The following UGT2B17 variants were observed in gnomAD, a reference collection of about 807,000 sequenced individuals.
UGT2B17 encodes UDP-glucuronosyltransferase 2B17.
In UGT2B17, 21 loss-of-function variants were observed where a neutral mutation model predicts 48.2. The ratio of observed to expected loss-of-function variants is 0.44; its 90% CI spans 0.31 to 0.63. UGT2B17 has a LOEUF of 0.63. UGT2B17 is among the 20% of genes least tolerant of loss of function. The pLI is 0.08. For synonymous variants in UGT2B17, 146 were observed against 238.4 expected (o/e 0.61, Z 3.57); for missense variants, 402 against 696.1 (o/e 0.58, Z 4.75).
Position 68,548,280 on chromosome 4 carries a change from A to G in UGT2B17, c.1313+2397T>C, listed in dbSNP as rs1200702445. Among the ~76,000 whole-genome samples, 2 of 125,706 alleles carry G rather than the reference A, an allele frequency of 1.6e-5. 1 individual carries two copies. Among genetic ancestry groups the G allele is most frequent in the Non-Finnish European group, 3.4e-5 (2 of 59,386 alleles). The allele number at this position is 125,706 out of a possible 152,430, so 82.5% of individuals were successfully genotyped here. The stretch of plus-strand genomic sequence containing the variant: ...ATGAGTTCATGTCCTTTGCAGGGAC[A>G]TGGATGAAGCTGGAAACCATCATTC... On this transcript the variant is annotated intron_variant, in intron 6 of 6. Coordinates refer to ENST00000317746, the MANE Select transcript of UGT2B17 (RefSeq NM_001077.4).
intron 4 of UGT2B17, among the ~76,000 whole-genome samples, chr4:68,553,087 C>A (rs1310548553): frequency 8.0e-6 from 1 of 125,464 alleles, no homozygotes; most frequent in Non-Finnish European, 1.7e-5. Flanking sequence ...GACTTAATTT[C>A]TCCTTACCAT....
rs1730792150 is a variant in UGT2B17, at chr4:68,545,842, T to C, written c.1313+4835A>G. Among the ~76,000 whole-genome samples the C allele has an allele frequency of 1.6e-5, 2 of 125,770 alleles. 1 individual carries two copies. Among genetic ancestry groups the C allele is most frequent in the South Asian group, 7.5e-4 (2 of 2,678 alleles). 82.5% of individuals were successfully genotyped at this position (125,770 alleles called of 152,430 possible). On this transcript the variant is annotated intron_variant, in intron 6 of 6. Coordinates refer to ENST00000317746, the MANE Select transcript of UGT2B17 (RefSeq NM_001077.4). ...AATCAAGAAGAAATGGATAAATTCC[T>C]CGACACACACACCCTCCCAAGACTA...
intron 6 of UGT2B17, among the ~76,000 whole-genome samples, chr4:68,545,343 G>T (rs1730777705): frequency 1.6e-5 from 2 of 126,114 alleles, no homozygotes; most frequent in Non-Finnish European, 3.4e-5. Context: ...ATAATGAAAT[G>T]AAGGCAGAAT....
rs1373072384 is a variant in UGT2B17, at chr4:68,566,338, A to T, written c.725-618T>A. On this transcript the variant is annotated intron_variant, in intron 2 of 6. Transcript: ENST00000317746. The stretch of plus-strand genomic sequence containing the variant: ...TTAATGTAACATCAGTATATTCACA[A>T]TCATAAATAATTATTAAAATAAGTC... 1.6e-5 allele frequency among the ~76,000 whole-genome samples: 2 copies of T among 121,458 alleles called. 1 individual carries two copies. The highest frequency in any genetic ancestry group is 3.4e-5 in the Non-Finnish European group (2 of 58,472). 79.7% of individuals were successfully genotyped at this position (121,458 alleles called of 152,430 possible).
intron 6 of UGT2B17, among the ~76,000 whole-genome samples, chr4:68,547,255 C>G (rs2109763048): frequency 8.0e-6 from 1 of 124,292 alleles, no homozygotes; most frequent in Admixed American, 8.3e-5. Context: ...GAACAGAGCC[C>G]TCAGAAATAA....
intron 1 of UGT2B17, among the ~76,000 whole-genome samples, chr4:68,575,186 G>A (rs1221188387): frequency 9.6e-6 from 1 of 104,704 alleles, no homozygotes; most frequent in African/African-American, 3.5e-5. Flanking sequence ...GGTATAGATG[G>A]CCTTTTTTTT....
At chr4:68,573,037 T>A (rs1341086120) in intron 1 of UGT2B17, among the ~76,000 whole-genome samples, 1 of 127,706 alleles carries the variant, frequency 7.8e-6, no homozygotes, top group Non-Finnish European at 1.7e-5. Context: ...ATGCAAGCTT[T>A]GGTATCTAGT....
At chr4:68,557,327 A>C (rs1731020898) in intron 4 of UGT2B17, among the ~76,000 whole-genome samples, 1 of 124,542 alleles carries the variant, frequency 8.0e-6, no homozygotes, top group Admixed American at 8.3e-5. Flanking sequence ...AAATTCTAAC[A>C]GGTGCTCTTG....
chr4:68,564,296 T>TATATATATATA (rs1226939611), intron 3 of UGT2B17, among the ~76,000 whole-genome samples: 2 of 93,840 alleles, frequency 2.1e-5, no homozygotes, highest in African/African-American at 1.2e-4. Flanking sequence ...ATATATATAT[T>TATATATATATA]TTTTTTTTTT....
Position 68,549,538 on chromosome 4 carries a change from G to A in UGT2B17, c.1313+1139C>T, listed in dbSNP as rs1308939976. On this transcript the variant is annotated intron_variant, in intron 6 of 6. Coordinates refer to ENST00000317746, the MANE Select transcript of UGT2B17 (RefSeq NM_001077.4). ...AGGAAGATGCATGAATGATCAGTAA[G>A]CACATGAAAAGAGGGTTAACATCTT... 1.6e-5 allele frequency among the ~76,000 whole-genome samples: 2 copies of A among 124,898 alleles called. 1 individual carries two copies. The highest frequency in any genetic ancestry group is 5.5e-5 in the African/African-American group (2 of 36,610). The allele number at this position is 124,898 out of a possible 152,430, so 81.9% of individuals were successfully genotyped here.
chr4:68,553,849 G>A (rs1441053136), intron 4 of UGT2B17, among the ~76,000 whole-genome samples: 2 of 118,302 alleles, frequency 1.7e-5, no homozygotes, highest in African/African-American at 5.7e-5. Context: ...CTGAACTGTG[G>A]TTTACATAGG....
At position 68,571,038 on chromosome 4, in the gene UGT2B17, G is replaced by A. The variant is rs554714997; in HGVS notation, c.-64-2490C>T. Among the ~76,000 whole-genome samples the A allele has an allele frequency of 2.4e-5, 3 of 125,742 alleles. 1 individual carries two copies. The highest frequency in any genetic ancestry group is 5.0e-5 in the Non-Finnish European group (3 of 59,476). The allele number at this position is 125,742 out of a possible 152,430, so 82.5% of individuals were successfully genotyped here. On this transcript the variant is annotated intron_variant, in intron 1 of 6. Coordinates refer to ENST00000317746, the MANE Select transcript of UGT2B17 (RefSeq NM_001077.4). ...GCATTTCTCATCTGAGTCTCTTGCC[G>A]GGCAAGAACGGTCAAGGCTTGACCG...
rs1243756466 is a variant in UGT2B17, at chr4:68,551,500, A to T, written c.1093+324T>A. On this transcript the variant is annotated intron_variant, in intron 5 of 6. Coordinates refer to ENST00000317746, the MANE Select transcript of UGT2B17 (RefSeq NM_001077.4). ...TCAGTACCTGTTGAAATAACCCTGC[A>T]GTAGGGGAAGGAACAGATGTAAAGT... Among the ~76,000 whole-genome samples, 3 of 124,284 alleles carry T rather than the reference A, an allele frequency of 2.4e-5. 1 individual carries two copies. The highest frequency in any genetic ancestry group is 8.2e-5 in the African/African-American group (3 of 36,494). The allele number at this position is 124,284 out of a possible 152,430, so 81.5% of individuals were successfully genotyped here. A position where few individuals can be genotyped will look rare whatever the true frequency, so the allele number is the denominator to read the frequency against.
chr4:68,563,127 G>T lies in UGT2B17; in HGVS notation c.873+2445C>A, dbSNP rs1348720292. The stretch of plus-strand genomic sequence containing the variant: ...ATTACAAAGGCAATAACTATATGCA[G>T]TTTTCAAACACTTGATACTTTTTGG... On this transcript the variant is annotated intron_variant, in intron 3 of 6. Transcript: ENST00000317746. 3.9e-5 allele frequency among the ~76,000 whole-genome samples: 5 copies of T among 126,916 alleles called. 1 individual carries two copies. Among genetic ancestry groups the T allele is most frequent in the Non-Finnish European group, 8.4e-5 (5 of 59,852 alleles). The allele number at this position is 126,916 out of a possible 152,430, so 83.3% of individuals were successfully genotyped here.
rs1396608504 is a variant in UGT2B17, at chr4:68,571,395, C to T, written c.-64-2847G>A. On this transcript the variant is annotated intron_variant, in intron 1 of 6. Transcript: ENST00000317746. ...GTGTCCACATATATCCAGTATAATC[C>T]GGTGGGGGCCGTCCAGTCCCAGTGG... 4.0e-5 allele frequency among the ~76,000 whole-genome samples: 5 copies of T among 124,852 alleles called. 2 individuals carry two copies. The highest frequency in any genetic ancestry group is 1.6e-4 in the Admixed American group (2 of 12,210). The allele number at this position is 124,852 out of a possible 152,430, so 81.9% of individuals were successfully genotyped here.
intron 3 of UGT2B17, among the ~76,000 whole-genome samples, chr4:68,564,413 C>T (rs1163603839): frequency 8.4e-6 from 1 of 118,530 alleles, no homozygotes; most frequent in Non-Finnish European, 1.7e-5. Context: ...CTCAGCTTCC[C>T]GAGTAGCTGC....
At chr4:68,542,260 T>G (rs1274803622) in intron 6 of UGT2B17, among the ~76,000 whole-genome samples, 1 of 126,694 alleles carries the variant, frequency 7.9e-6, no homozygotes, top group African/African-American at 2.7e-5. Context: ...CATTCTGTTT[T>G]GGTTATGTAG....
rs1366181355 is a variant in UGT2B17 at position 68,564,294 on chromosome 4, A to ATATATATATTTT, written c.873+1277_873+1278insAAAATATATATA. 6.5e-3 allele frequency among the ~76,000 whole-genome samples: 495 copies of ATATATATATTTT among 75,712 alleles called. 35 individuals are homozygous for ATATATATATTTT. Among genetic ancestry groups the ATATATATATTTT allele is most frequent in the African/African-American group, 0.021 (412 of 19,670 alleles). The allele number at this position is 75,712 out of a possible 152,430, so 49.7% of individuals were successfully genotyped here. ...ATTTCATATATATATATATATATAT[A>ATATATATATTTT]TTTTTTTTTTTTGAGACAGAGTCTC... On this transcript the variant is annotated intron_variant, in intron 3 of 6. Coordinates refer to ENST00000317746, the MANE Select transcript of UGT2B17 (RefSeq NM_001077.4).
rs1410154930 is a variant in UGT2B17 at position 68,564,787 on chromosome 4, G to A, written c.873+785C>T. ...GTGGTCTCAGCTCACTGCAGCCTCT[G>A]CCCCCAGACTCAAGCAAGCCTCCTG... On this transcript the variant is annotated intron_variant, in intron 3 of 6. Coordinates refer to ENST00000317746, the MANE Select transcript of UGT2B17 (RefSeq NM_001077.4). Among the ~76,000 whole-genome samples, 5 of 125,126 alleles carry A rather than the reference G, an allele frequency of 4.0e-5. 2 individuals are homozygous for A. In the South Asian group the frequency reaches 1.9e-3, roughly 46 times the overall value. 82.1% of individuals were successfully genotyped at this position (125,126 alleles called of 152,430 possible).
Sources: gnomAD v4.1 joint callset for allele counts (sites outside exome capture counted in the v4.1 genomes callset) on GRCh38, gnomAD v4.1.1 for gene constraint, MANE v1.5 for transcripts, NCBI Gene and HGNC (gene_info 2026-07-23, HGNC 2026-07-21) for gene names.